LRRC7: variants seen among roughly 807,000 people sequenced by gnomAD.
The protein encoded by LRRC7 is leucine-rich repeat-containing protein 7.
A neutral mutation model predicts 175.7 loss-of-function variants in LRRC7; 23 were observed. The ratio of observed to expected loss-of-function variants is 0.13; its 90% confidence interval spans 0.09 to 0.19. The LOEUF (loss-of-function observed/expected upper bound fraction) is 0.19. Among genes scored for constraint, LRRC7 ranks in the 10% least tolerant of loss-of-function variants. LRRC7 has a pLI of 1.00. For synonymous variants in LRRC7, 685 were observed against 680.9 expected, an observed-to-expected ratio of 1.01 and a Z score of -0.09; for missense variants, 1,354 against 1,904.7, an observed-to-expected ratio of 0.71 and a Z score of 5.38.
chr1:69,598,429 A>G (rs1236621862), intron 1 of LRRC7, among the ~76,000 whole-genome samples: 1 of 152,130 alleles, frequency 6.6e-6, no homozygotes, highest in Non-Finnish European at 1.5e-5. Flanking sequence ...ATTGGCTCAC[A>G]TGATTGTAGA....
At chr1:69,728,522 T>C (rs1360613099) in intron 2 of LRRC7, among the ~76,000 whole-genome samples, 3 of 152,212 alleles carry the variant, frequency 2.0e-5, no homozygotes, top group Non-Finnish European at 2.9e-5. Flanking sequence ...TAGATAGTTA[T>C]TGCTACATCA....
At chr1:70,113,727 C>CAA (rs201499631) in intron 26 of LRRC7, among the ~76,000 whole-genome samples, 6 of 142,056 alleles carry the variant, frequency 4.2e-5, no homozygotes, top group African/African-American at 1.3e-4. Context: ...GACATATCTT[C>CAA]AAAAAAAAAA....
chr1:69,930,607 T>A (rs958889467), intron 7 of LRRC7, among the ~76,000 whole-genome samples: 5 of 152,208 alleles, frequency 3.3e-5, no homozygotes, highest in African/African-American at 1.2e-4. Context: ...ACTTTTGACA[T>A]CAACTCTTGC....
intron 7 of LRRC7, among the ~76,000 whole-genome samples, chr1:69,905,796 T>C (rs1474606644): frequency 6.6e-6 from 1 of 152,202 alleles, no homozygotes; most frequent in East Asian, 1.9e-4. Context: ...CTGGGTCAAA[T>C]GGTATTTCTA....
intron 2 of LRRC7, chr1:69,716,024 G>A (rs1665310004): frequency 5.3e-6 from 2 of 380,016 alleles, no homozygotes; most frequent in Admixed American, 4.6e-5. Flanking sequence ...TGACAATTAG[G>A]GAAGCATCTG....
intron 4 of LRRC7, among the ~76,000 whole-genome samples, chr1:69,812,180 C>T (rs1287150640): frequency 6.6e-6 from 1 of 152,026 alleles, no homozygotes; most frequent in Non-Finnish European, 1.5e-5. Context: ...TTGTATTTGA[C>T]CTGAAGAGTA....
At chr1:69,915,337 T>C (rs1156364832) in intron 7 of LRRC7, among the ~76,000 whole-genome samples, 10 of 152,182 alleles carry the variant, frequency 6.6e-5, no homozygotes, top group African/African-American at 2.4e-4. Flanking sequence ...ATACTCACAA[T>C]AACCTACTTA....
intron 1 of LRRC7, among the ~76,000 whole-genome samples, chr1:69,619,656 G>A (rs574759588): frequency 7.9e-5 from 12 of 152,222 alleles, no homozygotes; most frequent in Admixed American, 2.6e-4. Flanking sequence ...TCATTTAAAG[G>A]ACAACAAACA....
At chr1:69,578,544 A>G (rs1485484738) in intron 1 of LRRC7, among the ~76,000 whole-genome samples, 1 of 149,582 alleles carries the variant, frequency 6.7e-6, no homozygotes, top group Non-Finnish European at 1.5e-5. Flanking sequence ...AACCAACCCA[A>G]ATGTCCAACA....
intron 25 of LRRC7, among the ~76,000 whole-genome samples, chr1:70,101,438 G>C (rs946878076): frequency 6.6e-6 from 1 of 152,068 alleles, no homozygotes; most frequent in African/African-American, 2.4e-5. Flanking sequence ...TTCTATTTTG[G>C]TATCTACATT....
intron 2 of LRRC7, among the ~76,000 whole-genome samples, chr1:69,739,595 G>A (rs1668488798): frequency 6.6e-6 from 1 of 151,998 alleles, no homozygotes; most frequent in Non-Finnish European, 1.5e-5. Context: ...TTGACTGTAG[G>A]CCTTTGTGTT....
chr1:69,807,278 G>A (rs1420723713), intron 4 of LRRC7, among the ~76,000 whole-genome samples: 1 of 152,012 alleles, frequency 6.6e-6, no homozygotes, highest in Non-Finnish European at 1.5e-5. Context: ...TTTAATTGGA[G>A]CATTTAGCCC....
chr1:69,664,818 A>T (rs1289129420), intron 1 of LRRC7, among the ~76,000 whole-genome samples: 2 of 151,902 alleles, frequency 1.3e-5, no homozygotes, highest in Non-Finnish European at 2.9e-5. Flanking sequence ...ATGTGATCCT[A>T]TTTGTCTGTT....
chr1:69,931,464 T>G lies in LRRC7; in HGVS notation c.648-43T>G, dbSNP rs116018008. On this transcript the variant is annotated intron_variant, in intron 7 of 26. Transcript: ENST00000651989. ...TTGGAATGTCTTTTAGAGCAATGTA[T>G]CATGCACTACCTCACAATAGTATTT... 2,620 of 1,507,560 alleles carry G rather than the reference T, an allele frequency of 1.7e-3. 32 individuals carry two copies. In the African/African-American group the frequency reaches 0.03, roughly 17 times the overall value. 93.4% of individuals were successfully genotyped at this position (1,507,560 alleles called of 1,614,324 possible).
chr1:69,927,949 T>C (rs1302806550), intron 7 of LRRC7, among the ~76,000 whole-genome samples: 1 of 152,156 alleles, frequency 6.6e-6, no homozygotes, highest in East Asian at 1.9e-4. Context: ...TTATCTACTT[T>C]TGGTCTTTGA....
intron 1 of LRRC7, among the ~76,000 whole-genome samples, chr1:69,671,632 G>C (rs1402627388): frequency 6.6e-6 from 1 of 152,144 alleles, no homozygotes; most frequent in Non-Finnish European, 1.5e-5. Context: ...TGGCCTCAGA[G>C]CATTTTAGCC....
intron 2 of LRRC7, among the ~76,000 whole-genome samples, chr1:69,754,188 T>A (rs1462843957): frequency 6.6e-6 from 1 of 152,114 alleles, no homozygotes; most frequent in South Asian, 2.1e-4. Context: ...AGAGGAGTCA[T>A]TGAAGTATTT....
At chr1:69,834,187 GTTCT>G (rs1680852699) in intron 5 of LRRC7, among the ~76,000 whole-genome samples, 2 of 151,736 alleles carry the variant, frequency 1.3e-5, no homozygotes, top group African/African-American at 4.8e-5. Context: ...TCTTTTCAAT[GTTCT>G]TTGTCATTTT....
At chr1:69,577,514 T>G (rs1025994574) in intron 1 of LRRC7, among the ~76,000 whole-genome samples, 3 of 152,188 alleles carry the variant, frequency 2.0e-5, no homozygotes, top group Non-Finnish European at 4.4e-5. Flanking sequence ...TGGTTGTAGG[T>G]CTAACGTTTA....
Sources: gnomAD v4.1 joint callset for allele counts (sites outside exome capture counted in the v4.1 genomes callset) on GRCh38, gnomAD v4.1.1 for gene constraint, MANE v1.5 for transcripts, NCBI Gene and HGNC (gene_info 2026-07-23, HGNC 2026-07-21) for gene names.